The following GABBR2 variants were observed in gnomAD, a reference collection of about 807,000 sequenced individuals.
GABBR2 encodes the protein gamma-aminobutyric acid type B receptor subunit 2.
Under a neutral mutation model 105.6 loss-of-function variants are expected in GABBR2, and 23 were observed. The ratio of observed to expected loss-of-function variants is 0.22; its 90% CI spans 0.16 to 0.31. The LOEUF is 0.31. Among genes scored for constraint, GABBR2 ranks in the 10% least tolerant of loss-of-function variants. GABBR2 has a pLI of 1.00. For missense variants in GABBR2, 734 were observed against 1,245.5 expected, an observed-to-expected ratio of 0.59 and a Z score of 6.18; for synonymous variants, 478 against 499.7, an observed-to-expected ratio of 0.96 and a Z score of 0.58.
chr9:98,542,932 G>T (rs1828331738), intron 2 of GABBR2, among the ~76,000 whole-genome samples: 1 of 151,616 alleles, frequency 6.6e-6, no homozygotes, highest in African/African-American at 2.4e-5. Flanking sequence ...GTATTCTAAT[G>T]CTTTTCAGAT....
chr9:98,512,829 C>T (rs1174324084), intron 3 of GABBR2, among the ~76,000 whole-genome samples: 1 of 152,162 alleles, frequency 6.6e-6, no homozygotes, highest in East Asian at 1.9e-4. Context: ...GGCCACACTG[C>T]CCAAGGTAAT....
chr9:98,333,504 T>C (rs944517694), intron 13 of GABBR2, among the ~76,000 whole-genome samples: 1 of 152,182 alleles, frequency 6.6e-6, no homozygotes, highest in African/African-American at 2.4e-5. Flanking sequence ...CATTCCATGC[T>C]GTGGCTGCAT....
intron 9 of GABBR2, among the ~76,000 whole-genome samples, chr9:98,392,834 CA>C (rs1564048023): frequency 6.6e-6 from 1 of 152,162 alleles, no homozygotes; most frequent in Non-Finnish European, 1.5e-5. Context: ...CTCATCCACT[CA>C]CCCTCCTATA....
At chr9:98,707,845 T>C (rs507876) in intron 1 of GABBR2, among the ~76,000 whole-genome samples, 130,346 of 152,270 alleles carry the variant, frequency 0.86, 55,978 homozygotes, top group Middle Eastern at 0.92. Flanking sequence ...GGCCCCACAC[T>C]TGCCCGCGCG....
chr9:98,502,030 C>A (rs1017948465), intron 3 of GABBR2, among the ~76,000 whole-genome samples: 3 of 152,158 alleles, frequency 2.0e-5, no homozygotes, highest in African/African-American at 7.2e-5. Flanking sequence ...TCCAATAAAG[C>A]CATCACAATG....
intron 1 of GABBR2, among the ~76,000 whole-genome samples, chr9:98,662,662 C>T (rs935708593): frequency 6.6e-6 from 1 of 152,140 alleles, no homozygotes; most frequent in Non-Finnish European, 1.5e-5. Flanking sequence ...AATGGAGACA[C>T]CAGGTCAATT....
intron 1 of GABBR2, among the ~76,000 whole-genome samples, chr9:98,639,587 C>T (rs1165837809): frequency 6.9e-6 from 1 of 144,282 alleles, no homozygotes; most frequent in African/African-American, 2.7e-5. Context: ...ATTGTTCTCA[C>T]ACACGCATAG....
chr9:98,290,254 T>C lies in GABBR2; in HGVS notation c.*330A>G, dbSNP rs1391938609. The C allele has an allele frequency of 5.7e-6, 1 of 174,596 alleles. No homozygotes were observed. Among genetic ancestry groups the C allele is most frequent in the African/African-American group, 2.6e-5 (1 of 38,158 alleles). 10.8% of individuals were successfully genotyped at this position (174,596 alleles called of 1,614,324 possible). A position where few individuals can be genotyped will look rare whatever the true frequency, so the allele number is the denominator to read the frequency against. ...AGCTGGAGTTCTAGTGCCTCTCTCC[T>C]TGTCTAGTTTTTTTGTTTTTTTTTT... On this transcript the variant is annotated 3_prime_UTR_variant, in exon 19 of 19. Coordinates refer to ENST00000259455, the MANE Select transcript of GABBR2 (RefSeq NM_005458.8).
At position 98,584,431 on chromosome 9, in the gene GABBR2, C is replaced by T. The variant is rs564127344; in HGVS notation, c.322-6359G>A. Among the ~76,000 whole-genome samples the T allele has an allele frequency of 2.8e-4, 42 of 152,296 alleles. 1 individual carries two copies. In the South Asian group the frequency reaches 8.3e-3, roughly 30 times the overall value. ...ACTGTAGCTCATGGTCACCACCTCA[C>T]ATCTCCTGTCTGCTGTTCCACTGCC... On this transcript the variant is annotated intron_variant, in intron 1 of 18. Transcript: ENST00000259455.
At chr9:98,519,943 A>G (rs986819797) in intron 3 of GABBR2, among the ~76,000 whole-genome samples, 1 of 152,084 alleles carries the variant, frequency 6.6e-6, no homozygotes, top group Non-Finnish European at 1.5e-5. Flanking sequence ...CTATGGTTCT[A>G]TTTTTCCCTC....
At chr9:98,648,132 G>GT (rs1564140835) in intron 1 of GABBR2, among the ~76,000 whole-genome samples, 34 of 93,956 alleles carry the variant, frequency 3.6e-4, no homozygotes, top group African/African-American at 1.1e-3. Context: ...TAGATAGATA[G>GT]ATAGATAGAT....
chr9:98,607,918 A>C, intron 1 of GABBR2: 1 of 1,445,014 alleles, frequency 6.9e-7, no homozygotes, highest in Non-Finnish European at 9.5e-7. Context: ...GATGAAGGTC[A>C]AAGAAAAAGT....
intron 7 of GABBR2, among the ~76,000 whole-genome samples, chr9:98,434,870 G>C (rs1432550145): frequency 1.3e-5 from 2 of 152,222 alleles, no homozygotes; most frequent in Non-Finnish European, 2.9e-5. Flanking sequence ...TGCCTCCAGG[G>C]ACACAGGAAA....
intron 7 of GABBR2, among the ~76,000 whole-genome samples, chr9:98,413,022 A>T (rs1000200417): frequency 2.0e-5 from 3 of 152,240 alleles, no homozygotes; most frequent in Non-Finnish European, 4.4e-5. Context: ...GAAGGCTCCC[A>T]TGTATATATA....
At chr9:98,372,425 G>T (rs1299171840) in intron 11 of GABBR2, among the ~76,000 whole-genome samples, 1 of 152,232 alleles carries the variant, frequency 6.6e-6, no homozygotes, top group Non-Finnish European at 1.5e-5. Context: ...GGACAGAAAA[G>T]CCACGTGCCC....
intron 7 of GABBR2, among the ~76,000 whole-genome samples, chr9:98,414,914 G>A (rs1173857235): frequency 6.6e-6 from 1 of 152,190 alleles, no homozygotes; most frequent in Non-Finnish European, 1.5e-5. Context: ...AGAGGAGCTT[G>A]GGTCCACGAA....
Position 98,290,667 on chromosome 9 carries a change from C to T in GABBR2, c.2743G>A (p.Val915Ile). The change falls in exon 19 of 19, where the codon GTC (valine) becomes ATC (isoleucine). Residue 915 changes from valine (V) to isoleucine (I), a missense_variant. By Grantham distance (29) the Val-to-Ile change is conservative. Transcript: ENST00000259455. ...PSIGGVDASC[V>I]SPCVSPTASP... ...GCGGTGGGGCTGACGCAGGGGCTGA[C>T]ACAGCTGGCGTCCACGCCTCCGATG... is the stretch of plus-strand genomic sequence containing the variant. 6.8e-7 allele frequency: 1 copy of T among 1,476,344 alleles called. No homozygotes were observed. The highest frequency in any genetic ancestry group is 8.9e-7 in the Non-Finnish European group (1 of 1,123,880). 91.5% of individuals were successfully genotyped at this position (1,476,344 alleles called of 1,614,324 possible).
intron 1 of GABBR2, among the ~76,000 whole-genome samples, chr9:98,643,384 G>A (rs573827238): frequency 2.0e-5 from 3 of 152,324 alleles, no homozygotes; most frequent in South Asian, 2.1e-4. Flanking sequence ...CAATACTCAC[G>A]TGCCCACACA....
At chr9:98,471,976 G>A (rs1826692246) in intron 6 of GABBR2, among the ~76,000 whole-genome samples, 1 of 152,174 alleles carries the variant, frequency 6.6e-6, no homozygotes. Context: ...CTAAAGAGCT[G>A]TTTACAAAAT....
Sources: gnomAD v4.1 joint callset for allele counts (sites outside exome capture counted in the v4.1 genomes callset) on GRCh38, gnomAD v4.1.1 for gene constraint, MANE v1.5 for transcripts, NCBI Gene and HGNC (gene_info 2026-07-23, HGNC 2026-07-21) for gene names.